LIN7A: variants seen among roughly 807,000 people sequenced by gnomAD.
The protein encoded by LIN7A is protein lin-7 homolog A.
Under a neutral mutation model 29.8 loss-of-function variants are expected in LIN7A, and 25 were observed. That is an observed-to-expected ratio of 0.84 (90% CI 0.61 to 1.17). The LOEUF is 1.17. Among genes scored for constraint, LIN7A ranks in the 50% most tolerant of loss-of-function variants. The pLI is 0.00. For synonymous variants in LIN7A, 118 were observed against 107.5 expected, an observed-to-expected ratio of 1.10 and a Z score of -0.60; for missense variants, 239 against 287.0, an observed-to-expected ratio of 0.83 and a Z score of 1.21.
chr12:80,861,797 C>T (rs956773914), intron 2 of LIN7A, among the ~76,000 whole-genome samples: 2 of 152,218 alleles, frequency 1.3e-5, no homozygotes, highest in Admixed American at 6.5e-5. Context: ...AAGCAATTAT[C>T]TTGGTCAGAA....
chr12:80,851,464 T>C (rs947742965), intron 2 of LIN7A, among the ~76,000 whole-genome samples: 9 of 151,976 alleles, frequency 5.9e-5, no homozygotes, highest in Non-Finnish European at 1.2e-4. Context: ...ATCCTGGAGA[T>C]ATTAATTCTA....
chr12:80,870,035 A>G (rs1874349678), intron 2 of LIN7A, among the ~76,000 whole-genome samples: 1 of 152,202 alleles, frequency 6.6e-6, no homozygotes, highest in Non-Finnish European at 1.5e-5. Context: ...GGTATATTTA[A>G]CTTAAGGAGA....
intron 2 of LIN7A, among the ~76,000 whole-genome samples, chr12:80,884,704 G>C (rs771196511): frequency 2.7e-4 from 41 of 152,262 alleles, no homozygotes; most frequent in Non-Finnish European, 5.0e-4. Context: ...ATCACAAAAT[G>C]ACAGTCATTC....
intron 2 of LIN7A, among the ~76,000 whole-genome samples, chr12:80,865,951 A>G (rs537063191): frequency 4.6e-5 from 7 of 152,296 alleles, no homozygotes; most frequent in African/African-American, 1.7e-4. Context: ...CTAAATTATA[A>G]TTCGTGGGTC....
chr12:80,914,573 C>T (rs1356607428), intron 1 of LIN7A, among the ~76,000 whole-genome samples: 2 of 152,166 alleles, frequency 1.3e-5, no homozygotes, highest in African/African-American at 2.4e-5. Flanking sequence ...ATCTGCAACT[C>T]GCATGTTTCA....
intron 1 of LIN7A, among the ~76,000 whole-genome samples, chr12:80,928,298 G>A (rs1221386706): frequency 6.6e-6 from 1 of 151,996 alleles, no homozygotes; most frequent in East Asian, 1.9e-4. Context: ...CTTCCACAAT[G>A]GTTGAACCAA....
intron 4 of LIN7A, chr12:80,832,620 C>A: frequency 2.1e-6 from 1 of 465,814 alleles, no homozygotes; most frequent in Non-Finnish European, 4.4e-6. Context: ...AGTCTAGGCT[C>A]CTTATGATGG....
In LIN7A at chr12:80,794,334, T is replaced by G. The variant is rs952327487; in HGVS notation, c.*3393A>C. 2.0e-5 allele frequency: 3 copies of G among 152,190 alleles called. No homozygotes were observed. The highest frequency in any genetic ancestry group is 7.2e-5 in the African/African-American group (3 of 41,442). The allele number at this position is 152,190 out of a possible 1,614,324, so 9.4% of individuals were successfully genotyped here. ...CCACCCCATATTTTGGAAGATCTTT[T>G]TCTATGTTGGCCTCCCTGAATCTTC... On this transcript the variant is annotated 3_prime_UTR_variant, in exon 6 of 6. Transcript: ENST00000552864.
chr12:80,872,509 C>G (rs935466083), intron 2 of LIN7A, among the ~76,000 whole-genome samples: 2 of 152,154 alleles, frequency 1.3e-5, no homozygotes, highest in Non-Finnish European at 2.9e-5. Flanking sequence ...GGACTGTCTT[C>G]AAACATTTAA....
intron 1 of LIN7A, among the ~76,000 whole-genome samples, chr12:80,924,549 A>T (rs1877475604): frequency 6.6e-6 from 1 of 152,216 alleles, no homozygotes. Context: ...GAGGAAAACT[A>T]AAGTACAGAA....
chr12:80,813,661 C>T (rs1871401230), intron 4 of LIN7A, among the ~76,000 whole-genome samples: 1 of 152,166 alleles, frequency 6.6e-6, no homozygotes, highest in African/African-American at 2.4e-5. Flanking sequence ...AAACACAATG[C>T]TGCTTTTTTC....
chr12:80,917,077 T>A (rs1419972575), intron 1 of LIN7A, among the ~76,000 whole-genome samples: 50 of 152,110 alleles, frequency 3.3e-4, no homozygotes, highest in Admixed American at 3.3e-3. Flanking sequence ...AAGTTAGATA[T>A]GGTGGATAAT....
intron 1 of LIN7A, among the ~76,000 whole-genome samples, chr12:80,924,235 A>C (rs10778771): frequency 0.2 from 30,779 of 152,178 alleles, 3,187 homozygotes; most frequent in African/African-American, 0.24. Context: ...ACTGGGTGTC[A>C]TAATTCCTAT....
intron 4 of LIN7A, among the ~76,000 whole-genome samples, chr12:80,843,021 G>T (rs999284659): frequency 6.6e-6 from 1 of 152,190 alleles, no homozygotes; most frequent in South Asian, 2.1e-4. Flanking sequence ...ATGAGTAGCT[G>T]TTGCACCTAC....
At chr12:80,936,326 A>G (rs1228630430) in intron 1 of LIN7A, 1 of 152,514 alleles carries the variant, frequency 6.6e-6, no homozygotes, top group Non-Finnish European at 1.5e-5. Context: ...TGGGCACCAC[A>G]GAACATCTGT....
At chr12:80,818,053 C>T (rs571372654) in intron 4 of LIN7A, among the ~76,000 whole-genome samples, 1 of 152,248 alleles carries the variant, frequency 6.6e-6, no homozygotes, top group African/African-American at 2.4e-5. Context: ...TGAAAAGGCC[C>T]AGTATAACCA....
chr12:80,806,147 TG>T (rs1210262447), intron 5 of LIN7A, among the ~76,000 whole-genome samples: 2 of 151,980 alleles, frequency 1.3e-5, no homozygotes, highest in African/African-American at 4.8e-5. Context: ...CATGTGGAAC[TG>T]TAAGTCCAAT....
chr12:80,845,106 G>C (rs981104306), intron 4 of LIN7A, among the ~76,000 whole-genome samples: 10 of 151,740 alleles, frequency 6.6e-5, no homozygotes, highest in Non-Finnish European at 1.5e-4. Context: ...GCTTGGTGGC[G>C]GGCGCCTGTA....
chr12:80,814,973 A>G (rs1592856369), intron 4 of LIN7A, among the ~76,000 whole-genome samples: 1 of 152,178 alleles, frequency 6.6e-6, no homozygotes, highest in Non-Finnish European at 1.5e-5. Flanking sequence ...ACATCCTACA[A>G]ATTATATAAT....
Sources: allele counts gnomAD v4.1 joint callset (sites outside exome capture counted in the v4.1 genomes callset), GRCh38; gene constraint gnomAD v4.1.1; transcripts MANE v1.5; gene names NCBI Gene and HGNC (gene_info 2026-07-23, HGNC 2026-07-21).